The following SNX30 variants were observed in gnomAD, a reference collection of about 807,000 sequenced individuals.
SNX30 encodes the protein sorting nexin family member 30, also known as sorting nexin-30.
In SNX30, 24 loss-of-function variants were observed where a neutral mutation model predicts 46.4. The observed-to-expected ratio is 0.52, with a 90% confidence interval of 0.37 to 0.73. The LOEUF (loss-of-function observed/expected upper bound fraction) is 0.73, where lower values mean the gene tolerates loss of function less well. Among genes scored for constraint, SNX30 ranks in the 30% least tolerant of loss-of-function variants. The pLI is 0.00. For synonymous variants in SNX30, 189 were observed against 211.5 expected, an observed-to-expected ratio of 0.89 and a Z score of 0.92; for missense variants, 533 against 555.7, an observed-to-expected ratio of 0.96 and a Z score of 0.41.
chr9:112,853,415 T>A (rs1445220468), intron 7 of SNX30, among the ~76,000 whole-genome samples: 1 of 152,224 alleles, frequency 6.6e-6, no homozygotes, highest in Non-Finnish European at 1.5e-5. Context: ...TGAGCTGGCC[T>A]GTGATCTTCT....
chr9:112,846,875 TC>T (rs1840946542), intron 6 of SNX30, among the ~76,000 whole-genome samples: 1 of 152,174 alleles, frequency 6.6e-6, no homozygotes, highest in Non-Finnish European at 1.5e-5. Flanking sequence ...TTCTGCCTTT[TC>T]CCCTCCCATA....
chr9:112,768,652 T>TTTC (rs1839589879), intron 1 of SNX30, among the ~76,000 whole-genome samples: 1 of 74,306 alleles, frequency 1.3e-5, no homozygotes, highest in Non-Finnish European at 2.8e-5. Context: ...TTCTTCTTTT[T>TTTC]TTTTTTTTTT....
At chr9:112,812,925 T>A (rs933300970) in intron 2 of SNX30, among the ~76,000 whole-genome samples, 1 of 152,138 alleles carries the variant, frequency 6.6e-6, no homozygotes, top group African/African-American at 2.4e-5. Context: ...GGTGGGTGGA[T>A]CACTTGAGGT....
chr9:112,768,037 A>G (rs1839575002), intron 1 of SNX30, among the ~76,000 whole-genome samples: 1 of 152,210 alleles, frequency 6.6e-6, no homozygotes, highest in Non-Finnish European at 1.5e-5. Flanking sequence ...TACTGTAGCC[A>G]GAATCCACCT....
chr9:112,841,909 G>A (rs947608), intron 6 of SNX30, among the ~76,000 whole-genome samples: 151,550 of 152,322 alleles, frequency 0.99, 75,392 homozygotes, highest in Middle Eastern at 1. Flanking sequence ...GAAACTAAGC[G>A]TGGAGCAGAG....
intron 3 of SNX30, among the ~76,000 whole-genome samples, chr9:112,824,265 T>C (rs750401495): frequency 6.6e-6 from 1 of 152,238 alleles, no homozygotes; most frequent in Non-Finnish European, 1.5e-5. Context: ...CTAAGTACTA[T>C]CTAATATCAG....
At chr9:112,844,556 T>C (rs1840908945) in intron 6 of SNX30, among the ~76,000 whole-genome samples, 1 of 152,104 alleles carries the variant, frequency 6.6e-6, no homozygotes, top group African/African-American at 2.4e-5. Flanking sequence ...AAAGAACAAG[T>C]AGCAAAGGAG....
chr9:112,809,091 C>CTT (rs34992498), intron 2 of SNX30, among the ~76,000 whole-genome samples: 18 of 144,384 alleles, frequency 1.2e-4, no homozygotes, highest in Admixed American at 1.0e-3. Flanking sequence ...GATTTTCTTT[C>CTT]TTTTTTTTTT....
At position 112,869,898 on chromosome 9, in the gene SNX30, T is replaced by A. The variant is rs1417813630; in HGVS notation, c.*1055T>A. ...GGTATGTCATGTTGTTATGATACAGTCGAAATTTGTCAATGCAGTGTGAAT... is the reference window on the plus strand; with the variant it reads ...GGTATGTCATGTTGTTATGATACAGACGAAATTTGTCAATGCAGTGTGAAT... On this transcript the variant is annotated 3_prime_UTR_variant, in exon 9 of 9. Coordinates refer to ENST00000374232, the MANE Select transcript of SNX30 (RefSeq NM_001012994.2). 2 of 152,194 alleles carry A rather than the reference T, an allele frequency of 1.3e-5. No homozygotes were observed. The highest frequency in any genetic ancestry group is 2.9e-5 in the Non-Finnish European group (2 of 68,032). The allele number at this position is 152,194 out of a possible 1,614,324, so 9.4% of individuals were successfully genotyped here. A position where few individuals can be genotyped will look rare whatever the true frequency, so the allele number is the denominator to read the frequency against.
intron 6 of SNX30, among the ~76,000 whole-genome samples, chr9:112,846,394 C>A (rs967992037): frequency 6.6e-6 from 1 of 152,096 alleles, no homozygotes; most frequent in Non-Finnish European, 1.5e-5. Flanking sequence ...ACCAACATTG[C>A]CCCAGGACAT....
At chr9:112,865,661 A>ATATATATATATATATATATGTGTGTGTG in intron 8 of SNX30, among the ~76,000 whole-genome samples, 1 of 105,702 alleles carries the variant, frequency 9.5e-6, no homozygotes, top group African/African-American at 3.8e-5. Flanking sequence ...ATATATATAT[A>ATATATATATATATATATATGTGTGTGTG]TGTATGTATG....
intron 4 of SNX30, among the ~76,000 whole-genome samples, chr9:112,832,923 C>G (rs1227329698): frequency 1.3e-5 from 2 of 149,582 alleles, no homozygotes; most frequent in Non-Finnish European, 3.0e-5. Context: ...AAATCCGACT[C>G]CATATGAGTG....
chr9:112,848,282 C>T (rs1185394761), intron 6 of SNX30, among the ~76,000 whole-genome samples: 1 of 152,060 alleles, frequency 6.6e-6, no homozygotes, highest in Non-Finnish European at 1.5e-5. Flanking sequence ...GCTCGGGCCT[C>T]ATCTGACAGC....
chr9:112,784,113 C>G (rs1839884490), intron 1 of SNX30, among the ~76,000 whole-genome samples: 1 of 151,972 alleles, frequency 6.6e-6, no homozygotes, highest in African/African-American at 2.4e-5. Flanking sequence ...CTGTTTTTTT[C>G]CACCTAGGAA....
intron 1 of SNX30, among the ~76,000 whole-genome samples, chr9:112,796,682 G>A (rs7030795): frequency 0.94 from 142,437 of 152,222 alleles, 66,710 homozygotes; most frequent in East Asian, 1. Flanking sequence ...ATATTGCGTA[G>A]GTATGTGATT....
At chr9:112,797,441 T>TC (rs1468134599) in intron 1 of SNX30, among the ~76,000 whole-genome samples, 1 of 151,632 alleles carries the variant, frequency 6.6e-6, no homozygotes, top group Non-Finnish European at 1.5e-5. Flanking sequence ...ATCATTTATA[T>TC]CCCCACCTAC....
intron 6 of SNX30, among the ~76,000 whole-genome samples, chr9:112,839,159 C>G (rs1473182294): frequency 6.6e-6 from 1 of 151,904 alleles, no homozygotes; most frequent in African/African-American, 2.4e-5. Flanking sequence ...GGAATTAATC[C>G]CAAAGGTTCA....
At chr9:112,880,056 C>A (rs1022009663) in exon 5 of SNX30, 1 of 414,250 alleles carries the variant, frequency 2.4e-6, no homozygotes, top group South Asian at 4.8e-5. Context: ...GGGGGCCAGG[C>A]ATGGTGGCTT....
At position 112,751,100 on chromosome 9, in the gene SNX30, G is replaced by T. The variant is rs1305814472; in HGVS notation, c.99G>T (p.Val33=). 3.9e-6 allele frequency: 6 copies of T among 1,520,314 alleles called. No homozygotes were observed. The South Asian group carries it at 6.2e-5, about 16-fold the overall frequency. 94.2% of individuals were successfully genotyped at this position (1,520,314 alleles called of 1,614,324 possible). ...CCGGCTCCAGCAGCGAGGAGGCCGT[G>T]GGTGGTGACAGCACGCCCAGCCCGG... ...PLAGSSSEEA[V]GGDSTPSPDL... is the part of the protein sequence containing the mutation. Residue 33 remains valine, a synonymous_variant, in exon 1 of 9, where the codon GTG becomes GTT. Coordinates refer to ENST00000374232, the MANE Select transcript of SNX30 (RefSeq NM_001012994.2).
Sources: allele counts gnomAD v4.1 joint callset (sites outside exome capture counted in the v4.1 genomes callset), GRCh38; gene constraint gnomAD v4.1.1; transcripts MANE v1.5; gene names NCBI Gene and HGNC (gene_info 2026-07-23, HGNC 2026-07-21).